The following HFM1 variants were observed in gnomAD, a reference collection of about 807,000 sequenced individuals.
HFM1 encodes helicase for meiosis 1.
Under a neutral mutation model 192.1 loss-of-function variants are expected in HFM1, and 169 were observed. That is an observed-to-expected ratio of 0.88 (90% CI 0.78 to 1.00). The LOEUF (loss-of-function observed/expected upper bound fraction) is 1.00, where lower values mean the gene tolerates loss of function less well. Ranked by LOEUF, HFM1 falls within the 50% of genes least tolerant of loss-of-function variation. HFM1 has a pLI of 0.00. For synonymous variants in HFM1, 525 were observed against 537.8 expected (o/e 0.98, Z 0.33); for missense variants, 1,661 against 1,668.0 (o/e 1.00, Z 0.07).
At chr1:91,294,874 T>C (rs751769938) in intron 30 of HFM1, among the ~76,000 whole-genome samples, 10 of 152,216 alleles carry the variant, frequency 6.6e-5, no homozygotes, top group Admixed American at 1.3e-4. Flanking sequence ...AGAAGCAGAA[T>C]TGCTCTATCA....
intron 20 of HFM1, among the ~76,000 whole-genome samples, chr1:91,338,600 G>A (rs1326713857): frequency 6.6e-6 from 1 of 152,098 alleles, no homozygotes; most frequent in African/African-American, 2.4e-5. Flanking sequence ...ACACACACCT[G>A]TCTGCAGCCT....
In HFM1 at chr1:91,365,369, C is replaced by CA. The variant is rs555430332; in HGVS notation, c.1685+9988dup. Among the ~76,000 whole-genome samples the CA allele has an allele frequency of 5.9e-3, 847 of 144,288 alleles. 8 individuals carry two copies. The highest frequency in any genetic ancestry group is 0.018 in the Middle Eastern group (5 of 278). The allele number at this position is 144,288 out of a possible 152,430, so 94.7% of individuals were successfully genotyped here. A position where few individuals can be genotyped will look rare whatever the true frequency, so the allele number is the denominator to read the frequency against. On this transcript the variant is annotated intron_variant, in intron 13 of 38. Transcript: ENST00000370425. Reference sequence around the variant, plus strand: ...AGTAAGTAGATTTAGCTGCTCTTGTCAAAAAAAAAACTATGTGAGATGAGA... The same window carrying CA: ...AGTAAGTAGATTTAGCTGCTCTTGTCAAAAAAAAAAACTATGTGAGATGAGA...
At chr1:91,321,105 A>G (rs1043771528) in intron 23 of HFM1, among the ~76,000 whole-genome samples, 3 of 152,164 alleles carry the variant, frequency 2.0e-5, no homozygotes, top group Non-Finnish European at 4.4e-5. Flanking sequence ...AAGAGGGAAG[A>G]CCTAGGAATT....
At chr1:91,302,994 G>C (rs1316592078) in intron 30 of HFM1, among the ~76,000 whole-genome samples, 1 of 151,892 alleles carries the variant, frequency 6.6e-6, no homozygotes, top group African/African-American at 2.4e-5. Flanking sequence ...GGAATACAAT[G>C]GACTTTTAAA....
intron 6 of HFM1, among the ~76,000 whole-genome samples, chr1:91,381,224 C>T (rs551445398): frequency 6.6e-6 from 1 of 152,034 alleles, no homozygotes; most frequent in Non-Finnish European, 1.5e-5. Flanking sequence ...AAGGGTTATA[C>T]CTGAGTGCTA....
At chr1:91,322,021 A>G (rs1002391196) in intron 23 of HFM1, among the ~76,000 whole-genome samples, 4 of 152,226 alleles carry the variant, frequency 2.6e-5, no homozygotes, top group African/African-American at 4.8e-5. Flanking sequence ...CATCACTTAC[A>G]TCGTTTGTAA....
At chr1:91,329,071 G>A (rs1417655445) in intron 20 of HFM1, 156 of 1,610,270 alleles carry the variant, frequency 9.7e-5, no homozygotes, top group Non-Finnish European at 1.2e-4. Context: ...CTGCTAGGCA[G>A]TGACTACTGT....
chr1:91,267,424 G>GAAC (rs1169860239), intron 35 of HFM1, among the ~76,000 whole-genome samples: 1 of 152,016 alleles, frequency 6.6e-6, no homozygotes, highest in Non-Finnish European at 1.5e-5. Flanking sequence ...TTAGAATGGA[G>GAAC]AACAAAATAG....
At chr1:91,262,731 C>T in intron 36 of HFM1, 139 bp from the exon 37 acceptor site, 1 of 575,046 alleles carries the variant, frequency 1.7e-6, no homozygotes, top group Non-Finnish European at 3.1e-6. Flanking sequence ...TTCTAATATT[C>T]ATGGAGAGCT....
chr1:91,352,738 G>T, intron 15 of HFM1, 87 bp from the exon 16 acceptor site: 2 of 1,034,990 alleles, frequency 1.9e-6, no homozygotes, highest in Non-Finnish European at 2.7e-6. Flanking sequence ...TCTTATAAAT[G>T]TAATAAAAAC....
chr1:91,301,232 T>G (rs1261799256), intron 30 of HFM1, among the ~76,000 whole-genome samples: 1 of 151,230 alleles, frequency 6.6e-6, no homozygotes, highest in Non-Finnish European at 1.5e-5. Context: ...ACAAGGGATG[T>G]GAAGGACCTC....
chr1:91,314,352 C>T (rs988159732), intron 28 of HFM1, among the ~76,000 whole-genome samples: 3 of 152,318 alleles, frequency 2.0e-5, no homozygotes, highest in African/African-American at 7.2e-5. Flanking sequence ...CTCCTAGGCT[C>T]AGGCAGTCTT....
At chr1:91,363,915 C>T (rs1276360814) in intron 13 of HFM1, among the ~76,000 whole-genome samples, 1 of 152,078 alleles carries the variant, frequency 6.6e-6, no homozygotes, top group Admixed American at 6.6e-5. Context: ...AGCCATTATC[C>T]TCAGCAAACT....
At chr1:91,320,668 G>A (rs544626621) in intron 23 of HFM1, among the ~76,000 whole-genome samples, 2 of 152,232 alleles carry the variant, frequency 1.3e-5, no homozygotes, top group South Asian at 4.2e-4. Context: ...AATAAAACAG[G>A]GATAGGAGGA....
At chr1:91,277,146 C>T (rs1666903004) in intron 30 of HFM1, 84 bp from the exon 31 acceptor site, 1 of 691,410 alleles carries the variant, frequency 1.4e-6, no homozygotes, top group African/African-American at 1.9e-5. Flanking sequence ...ATCCAGTTTC[C>T]TTCCTTTCAG....
chr1:91,282,488 C>T (rs1380786098), intron 30 of HFM1, among the ~76,000 whole-genome samples: 1 of 152,100 alleles, frequency 6.6e-6, no homozygotes, highest in Non-Finnish European at 1.5e-5. Flanking sequence ...TTCACACATT[C>T]TACATTTTCC....
intron 30 of HFM1, among the ~76,000 whole-genome samples, chr1:91,296,466 GT>G (rs2100987937): frequency 6.6e-6 from 1 of 151,722 alleles, no homozygotes; most frequent in Admixed American, 6.6e-5. Context: ...TGCCCAATAT[GT>G]TTTTCTTCAA....
intron 30 of HFM1, among the ~76,000 whole-genome samples, chr1:91,300,258 C>A (rs1448337454): frequency 6.6e-6 from 1 of 152,146 alleles, no homozygotes; most frequent in Non-Finnish European, 1.5e-5. Flanking sequence ...TCTGAATAGA[C>A]CAATAACAGG....
At chr1:91,354,003 C>CA (rs1301246973) in intron 13 of HFM1, among the ~76,000 whole-genome samples, 4 of 149,246 alleles carry the variant, frequency 2.7e-5, no homozygotes, top group East Asian at 3.9e-4. Context: ...TAACTGATTC[C>CA]AAAAAACAGA....
Sources: allele counts gnomAD v4.1 joint callset (sites outside exome capture counted in the v4.1 genomes callset), GRCh38; gene constraint gnomAD v4.1.1; transcripts MANE v1.5; gene names NCBI Gene and HGNC (gene_info 2026-07-23, HGNC 2026-07-21).